POU6F2: variants seen among roughly 807,000 people sequenced by gnomAD.
POU6F2 encodes POU class 6 homeobox 2.
Under a neutral mutation model 71.3 loss-of-function variants are expected in POU6F2, and 31 were observed. That is an observed-to-expected ratio of 0.43 (90% CI 0.33 to 0.59). POU6F2 has a LOEUF of 0.59. POU6F2 is among the 20% of genes least tolerant of loss of function. The probability of loss-of-function intolerance (pLI) is 0.04; values close to 1 mark genes in which losing one functional copy is unlikely to be tolerated. For synonymous variants in POU6F2, 347 were observed against 355.7 expected (o/e 0.98, Z 0.27); for missense variants, 783 against 856.8 (o/e 0.91, Z 1.07).
At chr7:39,161,619 A>G (rs902009798) in intron 2 of POU6F2, among the ~76,000 whole-genome samples, 1 of 152,166 alleles carries the variant, frequency 6.6e-6, no homozygotes, top group Non-Finnish European at 1.5e-5. Context: ...CTGATAAGGC[A>G]TCTTTCAAAT....
In POU6F2 at chr7:38,988,707, C is replaced by T. The variant is rs201036808; in HGVS notation, c.105+10649C>T. The stretch of plus-strand genomic sequence containing the variant: ...TGTAAGGTAGGTACTGTTGTTATTT[C>T]CATTTTAGCAAGTAGAAAGCTGAGG... On this transcript the variant is annotated intron_variant, in intron 1 of 9. Transcript: ENST00000518318. Among the ~76,000 whole-genome samples the T allele has an allele frequency of 1.9e-4, 29 of 152,188 alleles. No individual in the cohort carries two copies. The East Asian group carries it at 4.3e-3, about 22-fold the overall frequency.
intron 1 of POU6F2, among the ~76,000 whole-genome samples, chr7:38,992,603 G>A (rs1265554965): frequency 6.6e-6 from 1 of 152,090 alleles, no homozygotes; most frequent in Non-Finnish European, 1.5e-5. Context: ...AGTTACATGG[G>A]GACCAGATAA....
intron 1 of POU6F2, among the ~76,000 whole-genome samples, chr7:39,084,112 C>G (rs1458842538): frequency 6.6e-6 from 1 of 152,194 alleles, no homozygotes; most frequent in Non-Finnish European, 1.5e-5. Flanking sequence ...CCTCCTTTCT[C>G]GCTGTCTCTC....
chr7:39,375,480 C>G (rs955552400), intron 5 of POU6F2, among the ~76,000 whole-genome samples: 2 of 152,100 alleles, frequency 1.3e-5, no homozygotes, highest in African/African-American at 4.8e-5. Flanking sequence ...CCTCCCAGCC[C>G]CCCAACCTTC....
chr7:39,384,824 G>A (rs999543270), intron 5 of POU6F2, among the ~76,000 whole-genome samples: 3 of 151,990 alleles, frequency 2.0e-5, no homozygotes, highest in African/African-American at 7.3e-5. Context: ...TGTCTCTCCC[G>A]CAGCTCCTCA....
chr7:39,339,267 G>A (rs1785856675), intron 4 of POU6F2, among the ~76,000 whole-genome samples: 1 of 152,032 alleles, frequency 6.6e-6, no homozygotes, highest in Admixed American at 6.5e-5. Flanking sequence ...TAAACTGGTT[G>A]GACTTCAACA....
At chr7:39,036,224 CTA>C (rs1337559652) in intron 1 of POU6F2, among the ~76,000 whole-genome samples, 1 of 152,074 alleles carries the variant, frequency 6.6e-6, no homozygotes, top group Non-Finnish European at 1.5e-5. Flanking sequence ...TTAATCATCT[CTA>C]GACTTTTGTG....
chr7:39,027,625 T>C (rs1390894613), intron 1 of POU6F2, among the ~76,000 whole-genome samples: 6 of 152,200 alleles, frequency 3.9e-5, no homozygotes, highest in Non-Finnish European at 7.3e-5. Flanking sequence ...ATTCTTGAAA[T>C]ATTTTGGCAT....
intron 2 of POU6F2, among the ~76,000 whole-genome samples, chr7:39,200,037 C>T (rs1793864737): frequency 6.6e-6 from 1 of 152,156 alleles, no homozygotes; most frequent in Non-Finnish European, 1.5e-5. Context: ...ACAGATGTAT[C>T]TGAGATGATT....
In POU6F2 at chr7:39,305,692, A is replaced by G. The variant is rs1785034470; in HGVS notation, c.599-33950A>G. On this transcript the variant is annotated intron_variant, in intron 4 of 9. Coordinates refer to ENST00000518318, the MANE Select transcript of POU6F2 (RefSeq NM_001370959.1). The stretch of plus-strand genomic sequence containing the variant: ...CCTGCTGTGCAATTCCAATGAGAAC[A>G]TACAGTACGACCTGAAGGAAAACAG... 2.6e-5 allele frequency among the ~76,000 whole-genome samples: 4 copies of G among 152,242 alleles called. 1 individual carries two copies. The highest frequency in any genetic ancestry group is 4.1e-4 in the South Asian group (2 of 4,832).
chr7:39,002,208 G>A (rs1788935348), intron 1 of POU6F2: 1 of 152,162 alleles, frequency 6.6e-6, no homozygotes, highest in Admixed American at 6.5e-5. Flanking sequence ...TTCTTTGATA[G>A]GTAATGAATT....
intron 4 of POU6F2, among the ~76,000 whole-genome samples, chr7:39,319,764 C>T (rs1272803330): frequency 6.6e-6 from 1 of 152,232 alleles, no homozygotes; most frequent in Non-Finnish European, 1.5e-5. Flanking sequence ...GGACATAAAC[C>T]AGCTCCATGG....
Position 39,464,694 on chromosome 7 carries a change from C to T in POU6F2, c.*8C>T, listed in dbSNP as rs1249260703. The stretch of plus-strand genomic sequence containing the variant: ...CTGGAAGAAAACTCCTAAAGAGATG[C>T]CCACCCATAATCAGAAGCAAAATTC... On this transcript the variant is annotated 3_prime_UTR_variant, in exon 10 of 10. Transcript: ENST00000518318. The surrounding 1 kb of genome is among the most constrained non-coding windows in gnomAD (Gnocchi z 4.1). The T allele has an allele frequency of 3.1e-6, 5 of 1,588,998 alleles. No homozygotes were observed. Among genetic ancestry groups the T allele is most frequent in the Non-Finnish European group, 4.3e-6 (5 of 1,168,972 alleles).
chr7:39,364,294 G>A (rs1786453694), intron 5 of POU6F2, among the ~76,000 whole-genome samples: 1 of 151,578 alleles, frequency 6.6e-6, no homozygotes. Context: ...AGGTTATTGG[G>A]GAACAGGTGG....
chr7:39,265,249 G>A (rs549338771), intron 4 of POU6F2, among the ~76,000 whole-genome samples: 1 of 152,270 alleles, frequency 6.6e-6, no homozygotes, highest in East Asian at 1.9e-4. Flanking sequence ...TGGGGTGAAG[G>A]TGTTTAAACT....
intron 1 of POU6F2, among the ~76,000 whole-genome samples, chr7:39,005,995 C>T (rs945023206): frequency 6.6e-6 from 1 of 152,076 alleles, no homozygotes; most frequent in Non-Finnish European, 1.5e-5. Flanking sequence ...ACAAGTTTTC[C>T]ACCTGAAAAG....
intron 1 of POU6F2, among the ~76,000 whole-genome samples, chr7:39,076,967 G>A (rs1290314001): frequency 1.3e-5 from 2 of 152,264 alleles, no homozygotes; most frequent in Non-Finnish European, 2.9e-5. Flanking sequence ...GAGATCAGAT[G>A]TTCTCTCTTT....
At chr7:39,145,215 C>T (rs1029447440) in intron 2 of POU6F2, among the ~76,000 whole-genome samples, 1 of 152,144 alleles carries the variant, frequency 6.6e-6, no homozygotes, top group Non-Finnish European at 1.5e-5. Flanking sequence ...TTTATTTCCT[C>T]CATAAGTTAA....
intron 4 of POU6F2, among the ~76,000 whole-genome samples, chr7:39,228,867 T>C (rs1237093977): frequency 6.6e-6 from 1 of 152,176 alleles, no homozygotes; most frequent in African/African-American, 2.4e-5. Flanking sequence ...CCCAGGCTCA[T>C]GGATGAGTTT....
Sources: allele counts gnomAD v4.1 joint callset (sites outside exome capture counted in the v4.1 genomes callset), GRCh38; gene constraint gnomAD v4.1.1; non-coding constraint Gnocchi (gnomAD v3.1); transcripts MANE v1.5; gene names NCBI Gene and HGNC (gene_info 2026-07-23, HGNC 2026-07-21).